INTS6: variants seen among roughly 807,000 people sequenced by gnomAD.
INTS6 encodes DEAD box protein.
INTS6 carries 16 observed loss-of-function variants against 104.9 expected under a neutral mutation model. The observed-to-expected ratio is 0.15, with a 90% CI of 0.10 to 0.23. The LOEUF (loss-of-function observed/expected upper bound fraction) is 0.23, where lower values mean the gene tolerates loss of function less well. Ranked by LOEUF, INTS6 falls within the 10% of genes least tolerant of loss-of-function variation. INTS6 has a pLI of 1.00. For missense variants in INTS6, 584 were observed against 1,062.8 expected (o/e 0.55, Z 6.26); for synonymous variants, 324 against 358.7 (o/e 0.90, Z 1.09).
intron 9 of INTS6, among the ~76,000 whole-genome samples, chr13:51,383,020 G>GC (rs1366789097): frequency 2.0e-5 from 3 of 151,654 alleles, no homozygotes; most frequent in African/African-American, 4.8e-5. Flanking sequence ...GACGGAGGTT[G>GC]CAGTGAGCTG....
At chr13:51,439,937 T>G (rs1385048348) in intron 3 of INTS6, 2 of 152,072 alleles carry the variant, frequency 1.3e-5, no homozygotes, top group Non-Finnish European at 2.9e-5. Context: ...AAAATGAGTG[T>G]AAGTCTTAGT....
chr13:51,415,453 G>A (rs1220029224), intron 4 of INTS6, among the ~76,000 whole-genome samples: 7 of 152,256 alleles, frequency 4.6e-5, no homozygotes, highest in Non-Finnish European at 7.4e-5. Context: ...ATTAAATCAT[G>A]GGGATGGGTC....
chr13:51,388,549 A>G (rs1047323876), intron 6 of INTS6, among the ~76,000 whole-genome samples: 1 of 151,782 alleles, frequency 6.6e-6, no homozygotes, highest in Non-Finnish European at 1.5e-5. Flanking sequence ...ATGCGCCACC[A>G]CGCCTGGCTC....
intron 4 of INTS6, among the ~76,000 whole-genome samples, chr13:51,396,497 T>C (rs1033185097): frequency 2.0e-5 from 3 of 152,114 alleles, no homozygotes; most frequent in African/African-American, 7.2e-5. Context: ...AGAGTAACAG[T>C]GTACAAACAG....
chr13:51,344,456 C>G, the INTS6 span: 3 of 1,598,878 alleles, frequency 1.9e-6, no homozygotes, highest in Non-Finnish European at 2.6e-6. Context: ...GCCATCCAGA[C>G]TAGCGAAGGG....
Position 51,364,077 on chromosome 13 carries a change from C to A in INTS6, c.*1675G>T. On this transcript the variant is annotated 3_prime_UTR_variant, in exon 18 of 18. Transcript: ENST00000311234. ...AATATATTCTGGATTTTGTGTAACT[C>A]TCAATGAATTTAGCAATGTGACTAC... 2 of 399,230 alleles carry A rather than the reference C, an allele frequency of 5.0e-6. No individual in the cohort carries two copies. The highest frequency in any genetic ancestry group is 8.8e-6 in the Non-Finnish European group (2 of 226,890). 24.7% of individuals were successfully genotyped at this position (399,230 alleles called of 1,614,324 possible).
the INTS6 span, among the ~76,000 whole-genome samples, chr13:51,338,583 C>A: frequency 6.6e-6 from 1 of 152,084 alleles, no homozygotes; most frequent in African/African-American, 2.4e-5. Context: ...GAATGATATG[C>A]CCTCTCTGGG....
chr13:51,411,947 T>G (rs563665652), intron 4 of INTS6, among the ~76,000 whole-genome samples: 2 of 152,212 alleles, frequency 1.3e-5, no homozygotes, highest in Non-Finnish European at 2.9e-5. Flanking sequence ...AACTGTAGTA[T>G]AGCCATACAA....
chr13:51,376,651 C>G (rs1478608539), intron 12 of INTS6, among the ~76,000 whole-genome samples: 2 of 152,136 alleles, frequency 1.3e-5, no homozygotes, highest in African/African-American at 2.4e-5. Context: ...TATTCCTATC[C>G]CCAGGCAACC....
intron 4 of INTS6, among the ~76,000 whole-genome samples, chr13:51,398,268 G>T (rs370536254): frequency 2.0e-4 from 30 of 152,232 alleles, no homozygotes; most frequent in African/African-American, 7.2e-4. Context: ...AAAATCAAAG[G>T]GGGTGGGGAG....
the INTS6 span, among the ~76,000 whole-genome samples, chr13:51,335,301 A>C: frequency 6.6e-6 from 1 of 152,232 alleles, no homozygotes; most frequent in Admixed American, 6.5e-5. Flanking sequence ...CAAATCAAGA[A>C]GAAAACAACA....
intron 3 of INTS6, chr13:51,446,047 C>A (rs1392093532): frequency 2.0e-5 from 3 of 151,992 alleles, no homozygotes; most frequent in Non-Finnish European, 4.4e-5. Context: ...ACCAAAGGCA[C>A]AGGCAATAAA....
Position 51,382,131 on chromosome 13 carries a change from C to T in INTS6, c.1181-8G>A, listed in dbSNP as rs545967835. 17 of 1,564,244 alleles carry T rather than the reference C, an allele frequency of 1.1e-5. No homozygotes were observed. The highest frequency in any genetic ancestry group is 1.7e-4 in the Middle Eastern group (1 of 5,812). ...GCACTTTAAACAAGTCATCTAGAAA[C>T]GTATAATGTGAACAAACTATCACTA... is the stretch of plus-strand genomic sequence containing the variant. On this transcript the variant is annotated splice_polypyrimidine_tract_variant and splice_region_variant and intron_variant, in intron 9 of 17. Transcript: ENST00000311234.
At chr13:51,429,312 T>C (rs1456775023) in intron 4 of INTS6, among the ~76,000 whole-genome samples, 4 of 152,082 alleles carry the variant, frequency 2.6e-5, no homozygotes, top group Non-Finnish European at 5.9e-5. Flanking sequence ...TAAAGCTCCA[T>C]CAAAACAATC....
At chr13:51,390,109 A>AT (rs1002015456) in intron 5 of INTS6, among the ~76,000 whole-genome samples, 1 of 151,966 alleles carries the variant, frequency 6.6e-6, no homozygotes, top group Non-Finnish European at 1.5e-5. Flanking sequence ...AATACTAGTG[A>AT]TTTTTTTAAA....
rs1222955138 is a variant in INTS6 at position 51,364,988 on chromosome 13, T to C, written c.*764A>G. ...ATCTGTCTATCTGCCCCATACAAAG[T>C]CATTCCCATAATCTAGGCAGAAATG... On this transcript the variant is annotated 3_prime_UTR_variant, in exon 18 of 18. Transcript: ENST00000311234. The C allele has an allele frequency of 6.6e-6, 1 of 152,530 alleles. No homozygotes were observed. Among genetic ancestry groups the C allele is most frequent in the Non-Finnish European group, 1.5e-5 (1 of 67,990 alleles). 9.4% of individuals were successfully genotyped at this position (152,530 alleles called of 1,614,324 possible).
chr13:51,355,293 AAC>A lies in INTS6; in HGVS notation n.431-959_431-958del, dbSNP rs1403165707. 1.2e-5 allele frequency: 7 copies of A among 576,954 alleles called. No individual in the cohort carries two copies. In the East Asian group the frequency reaches 2.0e-4, roughly 17 times the overall value. 35.7% of individuals were successfully genotyped at this position (576,954 alleles called of 1,614,324 possible). On this transcript the variant is annotated intron_variant and non_coding_transcript_variant, in intron 3 of 3. Coordinates refer to the INTS6 transcript ENST00000476666. ...TATATAAGAATGTGTTGCTTCTAAT[AAC>A]AGTCAAATTTGGGTTAGATCTTGTG...
chr13:51,433,929 T>G (rs1406669959), intron 3 of INTS6, among the ~76,000 whole-genome samples: 1 of 152,226 alleles, frequency 6.6e-6, no homozygotes, highest in African/African-American at 2.4e-5. Flanking sequence ...AGGTAAAATA[T>G]TCAGGGAGAT....
chr13:51,391,267 G>A (rs765874017), intron 5 of INTS6, among the ~76,000 whole-genome samples: 9 of 152,148 alleles, frequency 5.9e-5, no homozygotes, highest in Non-Finnish European at 8.8e-5. Flanking sequence ...TCATTAAAAA[G>A]CAAAAATTTT....
Sources: allele counts gnomAD v4.1 joint callset (sites outside exome capture counted in the v4.1 genomes callset), GRCh38; gene constraint gnomAD v4.1.1; transcripts MANE v1.5; gene names NCBI Gene and HGNC (gene_info 2026-07-23, HGNC 2026-07-21).